The following AXDND1 variants were observed in gnomAD, a reference collection of about 807,000 sequenced individuals.
AXDND1 encodes the protein axonemal dynein light chain domain containing 1, also known as axonemal dynein light chain domain-containing protein 1.
In AXDND1, 110 loss-of-function variants were observed where a neutral mutation model predicts 137.5. The ratio of observed to expected loss-of-function variants is 0.80; its 90% CI spans 0.69 to 0.94. The LOEUF (loss-of-function observed/expected upper bound fraction) is 0.94. Among genes scored for constraint, AXDND1 ranks in the 40% least tolerant of loss-of-function variants. AXDND1 has a pLI of 0.00. For missense variants in AXDND1, 1,191 were observed against 1,169.8 expected (o/e 1.02, Z -0.26); for synonymous variants, 414 against 399.7 (o/e 1.04, Z -0.43).
intron 20 of AXDND1, among the ~76,000 whole-genome samples, chr1:179,493,633 G>A (rs1667154082): frequency 6.6e-6 from 1 of 152,170 alleles, no homozygotes; most frequent in Non-Finnish European, 1.5e-5. Context: ...GAAGGAATAA[G>A]CTCTAGTATT....
At chr1:179,396,092 C>A (rs371304570) in intron 11 of AXDND1, among the ~76,000 whole-genome samples, 1 of 151,456 alleles carries the variant, frequency 6.6e-6, no homozygotes, top group Admixed American at 6.6e-5. Flanking sequence ...TTGCTTGAAC[C>A]CAGGAGGCAG....
intron 20 of AXDND1, among the ~76,000 whole-genome samples, chr1:179,500,790 G>C (rs1215184914): frequency 2.0e-5 from 3 of 152,334 alleles, no homozygotes; most frequent in African/African-American, 4.8e-5. Flanking sequence ...TAGTGCCTCA[G>C]CTTCCTGAGT....
chr1:179,370,762 A>G (rs895197365), intron 4 of AXDND1, among the ~76,000 whole-genome samples: 3 of 152,228 alleles, frequency 2.0e-5, no homozygotes, highest in African/African-American at 7.2e-5. Context: ...TACACTTAAC[A>G]TACTTGAGTA....
intron 16 of AXDND1, among the ~76,000 whole-genome samples, chr1:179,467,074 C>A (rs1465255281): frequency 6.6e-6 from 1 of 152,194 alleles, no homozygotes. Context: ...AGTAGAGTGA[C>A]TTAATATCCC....
intron 12 of AXDND1, among the ~76,000 whole-genome samples, chr1:179,423,328 A>G (rs1656055107): frequency 1.3e-5 from 2 of 152,070 alleles, no homozygotes; most frequent in Middle Eastern, 3.4e-3. Flanking sequence ...TGTATGTGTT[A>G]TTATAGTTGA....
chr1:179,389,626 C>T (rs1649814331), intron 9 of AXDND1, among the ~76,000 whole-genome samples: 1 of 152,192 alleles, frequency 6.6e-6, no homozygotes. Context: ...GGTTTGCTTA[C>T]TGCTTACAAC....
intron 16 of AXDND1, chr1:179,450,356 C>T (rs1315652335): frequency 6.6e-6 from 1 of 152,156 alleles, no homozygotes; most frequent in Non-Finnish European, 1.5e-5. Flanking sequence ...TGGCAAGAAC[C>T]TCCAGTACAA....
At chr1:179,421,367 CTTTTTTTTTTTTTTTTTTTT>C (rs199703017) in intron 12 of AXDND1, among the ~76,000 whole-genome samples, 5 of 107,202 alleles carry the variant, frequency 4.7e-5, no homozygotes, top group African/African-American at 8.2e-5. Context: ...TTTTCTTTTC[CTTTTTTTTTTTTTTTTTTTT>C]TTTTTTTTTG....
chr1:179,383,623 C>G (rs1648744394), intron 8 of AXDND1, 79 bp downstream of exon 8: 1 of 1,056,352 alleles, frequency 9.5e-7, no homozygotes, highest in Admixed American at 2.0e-5. Flanking sequence ...GAATTCTGAC[C>G]CTGCCATATA....
At chr1:179,411,387 T>C in intron 12 of AXDND1, 121 bp downstream of exon 12, 10 of 1,315,620 alleles carry the variant, frequency 7.6e-6, no homozygotes, top group Non-Finnish European at 1.0e-5. Flanking sequence ...CTCTGTTGCT[T>C]AGGCTGGAAT....
intron 16 of AXDND1, chr1:179,456,914 A>G (rs1476213272): frequency 1.7e-6 from 2 of 1,171,050 alleles, no homozygotes; most frequent in East Asian, 2.3e-5. Flanking sequence ...TTTTCTTGCC[A>G]CTGCCTCAGT....
Position 179,394,027 on chromosome 1 carries a change from A to G in AXDND1, c.988A>G (p.Ile330Val), listed in dbSNP as rs952614902. Residue 330 changes from isoleucine (I) to valine (V), a missense_variant, in exon 10 of 26, where the codon ATT becomes GTT. By Grantham distance (29) the Ile-to-Val change is conservative (BLOSUM62 3). Coordinates refer to ENST00000367618, the MANE Select transcript of AXDND1 (RefSeq NM_144696.6). Reference protein sequence around the residue: ...LEELYNFKHVIEELTRELCLV... With the variant: ...LEELYNFKHVVEELTRELCLV... ...AGAATTGTATAATTTCAAGCATGTT[A>G]TTGAAGAACTGACCAGGTAAAAACT... 1 of 1,606,834 alleles carries G rather than the reference A, an allele frequency of 6.2e-7. No homozygotes were observed. Among genetic ancestry groups the G allele is most frequent in the African/African-American group, 1.3e-5 (1 of 74,556 alleles).
intron 10 of AXDND1, 136 bp downstream of exon 10, chr1:179,394,179 C>T: frequency 2.3e-6 from 2 of 873,770 alleles, no homozygotes; most frequent in South Asian, 2.3e-5. Context: ...AGCAAGAGAA[C>T]AAAAAGAACT....
chr1:179,388,012 G>A (rs895528867), intron 9 of AXDND1, among the ~76,000 whole-genome samples: 1 of 152,132 alleles, frequency 6.6e-6, no homozygotes, highest in Admixed American at 6.6e-5. Context: ...TCTCTAGACT[G>A]TTAACTCTGT....
intron 17 of AXDND1, among the ~76,000 whole-genome samples, chr1:179,476,529 G>T (rs1664644031): frequency 6.6e-6 from 1 of 150,466 alleles, no homozygotes; most frequent in South Asian, 2.1e-4. Flanking sequence ...TTATTGTAAG[G>T]AAAGTCTACT....
In AXDND1 at chr1:179,492,864, A is replaced by G; in HGVS notation, c.2301A>G (p.Lys767=). The change falls in exon 20 of 26, where the codon AAA becomes AAG. Residue 767 remains lysine, a synonymous_variant. Coordinates refer to ENST00000367618, the MANE Select transcript of AXDND1 (RefSeq NM_144696.6). ...QYSSYLSSCC[K]GMVTAMALSK... ...TTCCCCCTTTTTGCAGTTGTTGCAA[A>G]GGGATGGTAACAGCAATGGCTCTGA... is the stretch of plus-strand genomic sequence containing the variant. The G allele has an allele frequency of 6.2e-7, 1 of 1,600,052 alleles. No individual in the cohort carries two copies. Among genetic ancestry groups the G allele is most frequent in the Non-Finnish European group, 8.5e-7 (1 of 1,175,672 alleles).
At chr1:179,382,854 G>A in intron 7 of AXDND1, 98 bp downstream of exon 7, 3 of 940,214 alleles carry the variant, frequency 3.2e-6, no homozygotes, top group Non-Finnish European at 4.7e-6. Context: ...TAAAATTATA[G>A]CAGCAACCCA....
intron 20 of AXDND1, among the ~76,000 whole-genome samples, chr1:179,502,956 G>C (rs186282539): frequency 6.6e-6 from 1 of 151,854 alleles, no homozygotes; most frequent in African/African-American, 2.4e-5. Flanking sequence ...TTAGCCAGGC[G>C]TGGTGGCGCA....
chr1:179,370,229 G>T (rs1178317092), intron 4 of AXDND1, 151 bp downstream of exon 4: 2 of 636,788 alleles, frequency 3.1e-6, no homozygotes, highest in African/African-American at 1.8e-5. Context: ...AATCCAGAAG[G>T]GCCAAAGACC....
Sources: gnomAD v4.1 joint callset for allele counts (sites outside exome capture counted in the v4.1 genomes callset) on GRCh38, gnomAD v4.1.1 for gene constraint, MANE v1.5 for transcripts, NCBI Gene and HGNC (gene_info 2026-07-23, HGNC 2026-07-21) for gene names.